The following ANO10 variants were observed in gnomAD, a reference collection of about 807,000 sequenced individuals.
ANO10 encodes the protein anoctamin 10, also known as anoctamin-10.
ANO10 carries 77 observed loss-of-function variants against 74.7 expected under a neutral mutation model. The observed-to-expected ratio is 1.03, with a 90% CI of 0.86 to 1.25. The LOEUF is 1.25. Among genes scored for constraint, ANO10 ranks in the 50% most tolerant of loss-of-function variants. The pLI, the probability that ANO10 is intolerant of heterozygous loss-of-function variation, is 0.00. For synonymous variants in ANO10, 279 were observed against 284.9 expected, an observed-to-expected ratio of 0.98 and a Z score of 0.21; for missense variants, 721 against 778.1, an observed-to-expected ratio of 0.93 and a Z score of 0.87.
At chr3:43,395,059 G>A (rs1028649770) in intron 12 of ANO10, among the ~76,000 whole-genome samples, 2 of 152,100 alleles carry the variant, frequency 1.3e-5, no homozygotes, top group Non-Finnish European at 2.9e-5. Context: ...GGGGGACTGA[G>A]GTGAGAGGGA....
intron 11 of ANO10, among the ~76,000 whole-genome samples, chr3:43,476,875 A>G (rs1031517328): frequency 6.6e-6 from 1 of 152,256 alleles, no homozygotes; most frequent in Non-Finnish European, 1.5e-5. Context: ...AAACCTTGCC[A>G]ATCAATAAGC....
At chr3:43,467,633 G>A (rs904577971) in intron 11 of ANO10, among the ~76,000 whole-genome samples, 1 of 152,214 alleles carries the variant, frequency 6.6e-6, no homozygotes, top group African/African-American at 2.4e-5. Flanking sequence ...ACTTTCCAGA[G>A]TGATAGAAAT....
chr3:43,477,674 C>T (rs2076117210), intron 11 of ANO10, among the ~76,000 whole-genome samples: 2 of 152,196 alleles, frequency 1.3e-5, no homozygotes. Flanking sequence ...AATTACCCCT[C>T]ATCTTAAATG....
intron 11 of ANO10, among the ~76,000 whole-genome samples, chr3:43,498,389 A>G (rs2076987482): frequency 1.3e-5 from 2 of 152,220 alleles, no homozygotes; most frequent in Admixed American, 1.3e-4. Flanking sequence ...TGAGGGAAGA[A>G]CTGTGTAGTA....
chr3:43,653,859 A>G (rs2083815992), intron 1 of ANO10, among the ~76,000 whole-genome samples: 3 of 152,210 alleles, frequency 2.0e-5, no homozygotes, highest in South Asian at 4.2e-4. Context: ...GCTTGAATGA[A>G]TAAGTGGTTA....
rs1575614792 is a variant in ANO10 at position 43,382,553 on chromosome 3, C to T, written c.1915-15579G>A. On this transcript the variant is annotated intron_variant, in intron 12 of 12. Coordinates refer to ENST00000292246, the MANE Select transcript of ANO10 (RefSeq NM_018075.5). Reference sequence around the variant, plus strand: ...AAAAAAGAAATAACCAAGATCAGAGCAGAACTAAATGAAACAAACAAACAA... The same window carrying T: ...AAAAAAGAAATAACCAAGATCAGAGTAGAACTAAATGAAACAAACAAACAA... 2.6e-5 allele frequency among the ~76,000 whole-genome samples: 4 copies of T among 151,262 alleles called. No individual in the cohort carries two copies. In the South Asian group the frequency reaches 8.3e-4, roughly 31 times the overall value.
chr3:43,453,824 C>T (rs188708545), intron 11 of ANO10, among the ~76,000 whole-genome samples: 10 of 152,270 alleles, frequency 6.6e-5, no homozygotes, highest in Admixed American at 6.5e-4. Context: ...TGTCCTTATG[C>T]CGGTATTACA....
At chr3:43,428,817 A>AAAAAAAAAAAAAAAAAAC (rs2092938339) in intron 12 of ANO10, among the ~76,000 whole-genome samples, 1 of 150,914 alleles carries the variant, frequency 6.6e-6, no homozygotes, top group Non-Finnish European at 1.5e-5. Flanking sequence ...AAAAAAAAAA[A>AAAAAAAAAAAAAAAAAAC]AGTCATTGAA....
chr3:43,532,612 A>G (rs2078522574), intron 11 of ANO10, among the ~76,000 whole-genome samples: 1 of 152,304 alleles, frequency 6.6e-6, no homozygotes, highest in South Asian at 2.1e-4. Flanking sequence ...TGTTTTATGA[A>G]TTTTAATGCA....
chr3:43,378,149 T>C lies in ANO10; in HGVS notation c.1915-11175A>G, dbSNP rs74719032. Reference sequence around the variant, plus strand: ...TTCAACACAACTTAGTAAATATTACTCTTAACTATAAAGGGAGAACAACCT... The same window carrying C: ...TTCAACACAACTTAGTAAATATTACCCTTAACTATAAAGGGAGAACAACCT... On this transcript the variant is annotated intron_variant, in intron 12 of 12. Transcript: ENST00000292246. Among the ~76,000 whole-genome samples, 835 of 152,348 alleles carry C rather than the reference T, an allele frequency of 5.5e-3. 8 individuals carry two copies. The highest frequency in any genetic ancestry group is 0.019 in the African/African-American group (780 of 41,570).
At chr3:43,374,288 G>A (rs1408176055) in intron 12 of ANO10, among the ~76,000 whole-genome samples, 1 of 152,150 alleles carries the variant, frequency 6.6e-6, no homozygotes, top group East Asian at 1.9e-4. Context: ...TATTACCTGT[G>A]TGTAATTTAA....
chr3:43,432,537 G>A, intron 12 of ANO10, 74 bp downstream of exon 12: 1 of 1,280,264 alleles, frequency 7.8e-7, no homozygotes, highest in South Asian at 1.2e-5. Flanking sequence ...AAAATGCTGA[G>A]ACTGATTCTT....
chr3:43,542,379 G>A (rs1370964315), intron 11 of ANO10, among the ~76,000 whole-genome samples: 6 of 152,168 alleles, frequency 3.9e-5, no homozygotes, highest in Admixed American at 1.3e-4. Flanking sequence ...TAGAAGGTAC[G>A]TAAGAGAGGG....
chr3:43,560,258 G>T (rs921339090), intron 9 of ANO10, among the ~76,000 whole-genome samples: 9 of 152,308 alleles, frequency 5.9e-5, no homozygotes, highest in South Asian at 2.1e-4. Context: ...CAAGATGGGA[G>T]CTCTGGGCTA....
At chr3:43,564,889 GGA>G (rs1317214642) in intron 8 of ANO10, among the ~76,000 whole-genome samples, 3 of 152,080 alleles carry the variant, frequency 2.0e-5, no homozygotes, top group Admixed American at 2.0e-4. Context: ...GCTAAGTAAA[GGA>G]GACTCTCTAA....
At chr3:43,475,599 T>C (rs1312172883) in intron 11 of ANO10, among the ~76,000 whole-genome samples, 1 of 151,952 alleles carries the variant, frequency 6.6e-6, no homozygotes, top group Admixed American at 6.6e-5. Flanking sequence ...TTCTTTGTTT[T>C]TGTTTTGTTT....
At chr3:43,562,023 CAG>C (rs1422976934) in intron 8 of ANO10, among the ~76,000 whole-genome samples, 2 of 151,884 alleles carry the variant, frequency 1.3e-5, no homozygotes, top group Non-Finnish European at 2.9e-5. Flanking sequence ...AAAAATAAAA[CAG>C]AAAAAAAATC....
intron 1 of ANO10, among the ~76,000 whole-genome samples, chr3:43,611,865 CTACCTAGTGTGTCAAAGA>C: frequency 6.6e-6 from 1 of 152,008 alleles, no homozygotes; most frequent in Non-Finnish European, 1.5e-5. Context: ...TAGAGGTAGT[CTACCTAGTGTGTCAAAGA>C]TATTCTTGTT....
At chr3:43,381,801 T>C (rs539230833) in intron 12 of ANO10, among the ~76,000 whole-genome samples, 128 of 152,292 alleles carry the variant, frequency 8.4e-4, no homozygotes, top group South Asian at 2.5e-3. Flanking sequence ...TTCTCCAAGA[T>C]AGACCATACA....
Sources: gnomAD v4.1 joint callset for allele counts (sites outside exome capture counted in the v4.1 genomes callset) on GRCh38, gnomAD v4.1.1 for gene constraint, MANE v1.5 for transcripts, NCBI Gene and HGNC (gene_info 2026-07-23, HGNC 2026-07-21) for gene names.